Variants in TRMT11 observed in about 807,000 individuals in gnomAD.
TRMT11 encodes the protein tRNA methyltransferase 11, also known as tRNA (guanine(10)-N(2))-methyltransferase TRMT11.
A neutral mutation model predicts 62.8 loss-of-function variants in TRMT11; 53 were observed. The ratio of observed to expected loss-of-function variants is 0.84; its 90% CI spans 0.68 to 1.06. The LOEUF (loss-of-function observed/expected upper bound fraction) is 1.06, where lower values mean the gene tolerates loss of function less well. TRMT11 is among the 50% of genes least tolerant of loss of function. The probability of loss-of-function intolerance (pLI) is 0.00; values close to 1 mark genes in which losing one functional copy is unlikely to be tolerated. For synonymous variants in TRMT11, 188 were observed against 190.3 expected (o/e 0.99, Z 0.10); for missense variants, 556 against 553.4 (o/e 1.00, Z -0.05).
the TRMT11 span, among the ~76,000 whole-genome samples, chr6:126,239,222 T>C: frequency 2.6e-5 from 4 of 152,226 alleles, no homozygotes; most frequent in African/African-American, 4.8e-5. Context: ...AGGTTAATAT[T>C]GTTATGTGTG....
At chr6:126,206,057 A>G (rs561495451), downstream of TRMT11, among the ~76,000 whole-genome samples, 10 of 152,334 alleles carry the variant, frequency 6.6e-5, no homozygotes, top group East Asian at 1.9e-4. Context: ...TGTCTTAGTA[A>G]TAATGGCCAC....
chr6:126,073,977 C>T (rs539836299), intron 17 of TRMT11, among the ~76,000 whole-genome samples: 97 of 152,190 alleles, frequency 6.4e-4, no homozygotes, highest in African/African-American at 2.2e-3. Context: ...CATCAAATCT[C>T]GTGAGAACTC....
chr6:126,078,883 G>A (rs187701009), intron 17 of TRMT11, among the ~76,000 whole-genome samples: 24 of 152,220 alleles, frequency 1.6e-4, no homozygotes, highest in South Asian at 6.2e-4. Flanking sequence ...TAGTAACAGC[G>A]AATATTTATT....
At chr6:126,135,437 G>GA (rs1186222325) in intron 21 of TRMT11, among the ~76,000 whole-genome samples, 2 of 151,572 alleles carry the variant, frequency 1.3e-5, no homozygotes, top group African/African-American at 4.8e-5. Flanking sequence ...ATTGAACCAT[G>GA]AAAAAATAGA....
At chr6:126,040,028 TG>T (rs1325240040), downstream of TRMT11, among the ~76,000 whole-genome samples, 1 of 152,088 alleles carries the variant, frequency 6.6e-6, no homozygotes, top group Non-Finnish European at 1.5e-5. Context: ...TGTGGTACAC[TG>T]GGGGGAAATC....
chr6:126,106,550 ATGT>A (rs1777466811), intron 17 of TRMT11, among the ~76,000 whole-genome samples: 1 of 152,166 alleles, frequency 6.6e-6, no homozygotes, highest in African/African-American at 2.4e-5. Context: ...TCGAAGATAG[ATGT>A]TGTATGGCAA....
At chr6:126,041,140 C>T (rs950622441), downstream of TRMT11, among the ~76,000 whole-genome samples, 3 of 151,992 alleles carry the variant, frequency 2.0e-5, no homozygotes, top group East Asian at 5.8e-4. Flanking sequence ...TTGAGATTCC[C>T]TACATATTTA....
rs777171686 is a variant in TRMT11 at position 125,999,483 on chromosome 6, T to G, written c.549T>G (p.Ile183Met). Reference protein sequence around the residue: ...RWIADGQRELIESYSVKKRHF... With the variant: ...RWIADGQRELMESYSVKKRHF... The stretch of plus-strand genomic sequence containing the variant: ...TTGCAGATGGACAGAGAGAGCTTAT[T>G]GAGTCATACAGTGTCAAAAAGAGAC... The change falls in exon 7 of 13, where the codon ATT becomes ATG. Residue 183 changes from isoleucine to methionine, a missense_variant. Ile to Met is a conservative substitution (Grantham distance 10, BLOSUM62 1). Coordinates refer to ENST00000334379, the MANE Select transcript of TRMT11 (RefSeq NM_001031712.3). 11 of 1,606,306 alleles carry G rather than the reference T, an allele frequency of 6.8e-6. No individual in the cohort carries two copies. The highest frequency in any genetic ancestry group is 5.4e-5 in the African/African-American group (4 of 74,538).
chr6:126,018,641 C>A (rs375417256), intron 11 of TRMT11, among the ~76,000 whole-genome samples: 1 of 151,668 alleles, frequency 6.6e-6, no homozygotes, highest in South Asian at 2.1e-4. Flanking sequence ...TTACCACCCC[C>A]CTATCTCTGT....
the TRMT11 span, among the ~76,000 whole-genome samples, chr6:126,247,795 A>G: frequency 2.6e-5 from 4 of 151,846 alleles, no homozygotes; most frequent in Non-Finnish European, 5.9e-5. Context: ...CTTCAAAAGG[A>G]GTTTAAGAAA....
intron 17 of TRMT11, among the ~76,000 whole-genome samples, chr6:126,090,348 A>T (rs1777260590): frequency 6.6e-6 from 1 of 152,192 alleles, no homozygotes; most frequent in African/African-American, 2.4e-5. Flanking sequence ...GTGAAGTATG[A>T]CTTAGACAAA....
the TRMT11 span, among the ~76,000 whole-genome samples, chr6:126,219,015 T>C: frequency 3.3e-5 from 5 of 152,172 alleles, no homozygotes; most frequent in Admixed American, 6.5e-5. Context: ...GTCCCACAAT[T>C]GTTATGCTTT....
Position 126,155,939 on chromosome 6 carries a change from G to T in TRMT11, c.*1824-18886G>T, listed in dbSNP as rs146790658. 3.9e-3 allele frequency among the ~76,000 whole-genome samples: 587 copies of T among 152,160 alleles called. 5 individuals carry two copies. The highest frequency in any genetic ancestry group is 0.014 in the African/African-American group (562 of 41,530). On this transcript the variant is annotated intron_variant and NMD_transcript_variant, in intron 21 of 22. Coordinates refer to the TRMT11 transcript ENST00000648977. ...GATGGGGTTTCAACGTGTTAGCCAGGATGGTCTCAATCTCCTTACCTCATG... is the reference window on the plus strand; with the variant it reads ...GATGGGGTTTCAACGTGTTAGCCAGTATGGTCTCAATCTCCTTACCTCATG...
At chr6:126,230,661 T>C in the TRMT11 span, among the ~76,000 whole-genome samples, 1 of 152,232 alleles carries the variant, frequency 6.6e-6, no homozygotes, top group East Asian at 1.9e-4. Flanking sequence ...ATTAACTGCA[T>C]CGGATATTTT....
chr6:126,200,546 G>T (rs1019499653), intron 3 of TRMT11, among the ~76,000 whole-genome samples: 2 of 152,040 alleles, frequency 1.3e-5, no homozygotes, highest in African/African-American at 4.8e-5. Context: ...AGTCCAACAT[G>T]CATTCATTAT....
At chr6:126,071,144 A>G (rs1307743706) in intron 17 of TRMT11, among the ~76,000 whole-genome samples, 1 of 151,978 alleles carries the variant, frequency 6.6e-6, no homozygotes, top group Non-Finnish European at 1.5e-5. Context: ...CCCACACGTG[A>G]GCCTTTGGAT....
the TRMT11 span, among the ~76,000 whole-genome samples, chr6:126,233,352 T>C: frequency 2.5e-3 from 377 of 152,302 alleles, no homozygotes; most frequent in Middle Eastern, 6.8e-3. Flanking sequence ...CTACAATGTG[T>C]CAGAGACCAG....
At chr6:126,076,001 G>A (rs1335770099) in intron 17 of TRMT11, among the ~76,000 whole-genome samples, 1 of 152,022 alleles carries the variant, frequency 6.6e-6, no homozygotes, top group East Asian at 1.9e-4. Flanking sequence ...TTATGAGTAT[G>A]CATATGGTTA....
At chr6:126,085,085 TC>T (rs1300725324) in intron 17 of TRMT11, among the ~76,000 whole-genome samples, 1 of 152,116 alleles carries the variant, frequency 6.6e-6, no homozygotes, top group African/African-American at 2.4e-5. Flanking sequence ...GTGTTCTTGC[TC>T]CTCCCTAACA....
Sources: gnomAD v4.1 joint callset for allele counts (sites outside exome capture counted in the v4.1 genomes callset) on GRCh38, gnomAD v4.1.1 for gene constraint, MANE v1.5 for transcripts, NCBI Gene and HGNC (gene_info 2026-07-23, HGNC 2026-07-21) for gene names.